The following SLC41A2 variants were observed in gnomAD, a reference collection of about 807,000 sequenced individuals.
The protein encoded by SLC41A2 is SLC41A1-like 1.
In SLC41A2, 32 loss-of-function variants were observed where a neutral mutation model predicts 58.3. That is an observed-to-expected ratio of 0.55 (90% CI 0.41 to 0.74). The LOEUF (loss-of-function observed/expected upper bound fraction) is 0.74. Ranked by LOEUF, SLC41A2 falls within the 30% of genes least tolerant of loss-of-function variation. The pLI is 0.00. For synonymous variants in SLC41A2, 190 were observed against 235.0 expected (o/e 0.81, Z 1.75); for missense variants, 514 against 680.6 (o/e 0.76, Z 2.72).
intron 10 of SLC41A2, among the ~76,000 whole-genome samples, chr12:104,811,196 A>G (rs2041158731): frequency 6.6e-6 from 1 of 152,204 alleles, no homozygotes; most frequent in Non-Finnish European, 1.5e-5. Flanking sequence ...GAAACCATAC[A>G]GAGAAATTCT....
intron 10 of SLC41A2, among the ~76,000 whole-genome samples, chr12:104,827,096 C>T (rs997804815): frequency 2.0e-5 from 3 of 152,192 alleles, no homozygotes; most frequent in South Asian, 2.1e-4. Context: ...TGTCCATGAT[C>T]GATCAGGGAT....
intron 10 of SLC41A2, among the ~76,000 whole-genome samples, chr12:104,816,086 T>C (rs2041390160): frequency 1.3e-5 from 2 of 151,602 alleles, no homozygotes; most frequent in Non-Finnish European, 2.9e-5. Context: ...AGTGGTAGAG[T>C]CAAACCCAGG....
In SLC41A2 at chr12:104,949,206, G is replaced by A. The variant is rs111895819; in HGVS notation, c.-168+8882C>T. Among the ~76,000 whole-genome samples, 539 of 152,190 alleles carry A rather than the reference G, an allele frequency of 3.5e-3. 2 individuals are homozygous for A. Among genetic ancestry groups the A allele is most frequent in the African/African-American group, 0.012 (498 of 41,528 alleles). On this transcript the variant is annotated intron_variant, in intron 1 of 10. Transcript: ENST00000258538. ...GCACTCCAGCCTGGGTAACAAAAGC[G>A]AAACTCCGTCTCAAATAAATAAATA...
Position 104,802,265 on chromosome 12 carries a change from AG to A in SLC41A2, c.*2886del, listed in dbSNP as rs1300277222. On this transcript the variant is annotated 3_prime_UTR_variant, in exon 11 of 11. Coordinates refer to ENST00000258538, the MANE Select transcript of SLC41A2 (RefSeq NM_001352171.3). ...GTGGCTGATAAATTAGTGAAAAGGA[AG>A]AAGTTTGGAAAGCAGAAGTTTTTAT... is the stretch of plus-strand genomic sequence containing the variant. Among the ~76,000 whole-genome samples, 3 of 152,214 alleles carry A rather than the reference AG, an allele frequency of 2.0e-5. No homozygotes were observed. Among genetic ancestry groups the A allele is most frequent in the African/African-American group, 7.2e-5 (3 of 41,472 alleles).
In SLC41A2 at chr12:104,803,860, G is replaced by T. The variant is rs1488305877; in HGVS notation, c.*1292C>A. On this transcript the variant is annotated 3_prime_UTR_variant, in exon 11 of 11. Coordinates refer to ENST00000258538, the MANE Select transcript of SLC41A2 (RefSeq NM_001352171.3). ...ACCCACCAACTTCTTTTTTAAAAGC[G>T]TAAGTCAACGGGCTTCTTTAAAAGA... is the stretch of plus-strand genomic sequence containing the variant. The T allele has an allele frequency of 6.6e-6, 1 of 152,046 alleles. No homozygotes were observed. The highest frequency in any genetic ancestry group is 1.5e-5 in the Non-Finnish European group (1 of 67,986). The allele number at this position is 152,046 out of a possible 1,614,324, so 9.4% of individuals were successfully genotyped here.
chr12:104,896,292 C>T (rs2045277411), intron 3 of SLC41A2, among the ~76,000 whole-genome samples: 2 of 152,290 alleles, frequency 1.3e-5, no homozygotes, highest in South Asian at 2.1e-4. Flanking sequence ...ATTCTGTAAT[C>T]TCACTGTGGA....
intron 6 of SLC41A2, among the ~76,000 whole-genome samples, chr12:104,876,173 T>C (rs1473764546): frequency 6.6e-6 from 1 of 152,098 alleles, no homozygotes; most frequent in Non-Finnish European, 1.5e-5. Flanking sequence ...TTTTTCTTAG[T>C]CTAGCTAAGG....
intron 3 of SLC41A2, among the ~76,000 whole-genome samples, chr12:104,904,200 G>T (rs1358328696): frequency 1.3e-5 from 2 of 152,058 alleles, no homozygotes; most frequent in East Asian, 3.9e-4. Flanking sequence ...TATTTTCTTT[G>T]AGATAAGCTA....
At chr12:104,906,084 A>G (rs2045836822) in intron 3 of SLC41A2, among the ~76,000 whole-genome samples, 1 of 152,218 alleles carries the variant, frequency 6.6e-6, no homozygotes, top group Non-Finnish European at 1.5e-5. Context: ...TCTCAAGACT[A>G]CATAAAAGTT....
chr12:104,916,766 G>A (rs1188812461), intron 2 of SLC41A2, among the ~76,000 whole-genome samples: 2 of 152,166 alleles, frequency 1.3e-5, no homozygotes, highest in African/African-American at 4.8e-5. Flanking sequence ...AAACTGGCTA[G>A]CCATATGTAG....
chr12:104,862,155 T>C (rs1426162250), intron 7 of SLC41A2, among the ~76,000 whole-genome samples: 1 of 152,156 alleles, frequency 6.6e-6, no homozygotes, highest in African/African-American at 2.4e-5. Flanking sequence ...TACAACAAAA[T>C]GAACTACATG....
At chr12:104,815,173 C>G (rs960103483) in intron 10 of SLC41A2, among the ~76,000 whole-genome samples, 1 of 152,184 alleles carries the variant, frequency 6.6e-6, no homozygotes, top group Non-Finnish European at 1.5e-5. Flanking sequence ...CCTTGGAACT[C>G]TGTGTGTAAT....
At chr12:104,909,143 A>G (rs1034325886) in intron 3 of SLC41A2, among the ~76,000 whole-genome samples, 2 of 152,226 alleles carry the variant, frequency 1.3e-5, no homozygotes, top group African/African-American at 4.8e-5. Context: ...TAGAATACAC[A>G]GTATGCATTT....
chr12:104,866,431 C>T lies in SLC41A2; in HGVS notation c.1175+1G>A. ...ACACACACACATATTTTAATACTAA[C>T]CTACTTATAACCATAGCTGTTATGA... On this transcript the variant is annotated splice_donor_variant, in intron 7 of 10. Coordinates refer to ENST00000258538, the MANE Select transcript of SLC41A2 (RefSeq NM_001352171.3). LOFTEE classifies it high-confidence loss of function. The T allele has an allele frequency of 6.2e-7, 1 of 1,608,256 alleles. No individual in the cohort carries two copies. Among genetic ancestry groups the T allele is most frequent in the Non-Finnish European group, 8.5e-7 (1 of 1,177,788 alleles).
chr12:104,837,790 T>C (rs2042263723), intron 10 of SLC41A2, among the ~76,000 whole-genome samples: 1 of 152,182 alleles, frequency 6.6e-6, no homozygotes, highest in Non-Finnish European at 1.5e-5. Flanking sequence ...CTACCATTAT[T>C]GGAAACTCAC....
At chr12:104,861,448 C>A in intron 7 of SLC41A2, 78 bp from the exon 8 acceptor site, 2 of 744,858 alleles carry the variant, frequency 2.7e-6, no homozygotes, top group South Asian at 2.7e-5. Flanking sequence ...TACAGACACC[C>A]CTCCTTTTTA....
rs556766645 is a variant in SLC41A2 at position 104,899,235 on chromosome 12, G to A, written c.664-3890C>T. 9.9e-5 allele frequency among the ~76,000 whole-genome samples: 15 copies of A among 152,116 alleles called. No individual in the cohort carries two copies. In the South Asian group the frequency reaches 3.1e-3, roughly 32 times the overall value. On this transcript the variant is annotated intron_variant, in intron 3 of 10. Transcript: ENST00000258538. ...TAGTTCTTTGAACATATTCATACTA[G>A]TGGCTTTAAAGACTTTATTCAATCT... is the stretch of plus-strand genomic sequence containing the variant.
rs1444524409 is a variant in SLC41A2 at position 104,803,309 on chromosome 12, T to C, written c.*1843A>G. The C allele has an allele frequency of 6.6e-6, 1 of 152,110 alleles. No individual in the cohort carries two copies. Among genetic ancestry groups the C allele is most frequent in the Non-Finnish European group, 1.5e-5 (1 of 68,000 alleles). The allele number at this position is 152,110 out of a possible 1,614,324, so 9.4% of individuals were successfully genotyped here. Reference sequence around the variant, plus strand: ...AATATTCATCAACTTAAACTTATTCTTTCTTTTATAAGAATGTTCACTATG... The same window carrying C: ...AATATTCATCAACTTAAACTTATTCCTTCTTTTATAAGAATGTTCACTATG... On this transcript the variant is annotated 3_prime_UTR_variant, in exon 11 of 11. Coordinates refer to ENST00000258538, the MANE Select transcript of SLC41A2 (RefSeq NM_001352171.3).
At chr12:104,905,245 A>G (rs1414383362) in intron 3 of SLC41A2, among the ~76,000 whole-genome samples, 1 of 151,982 alleles carries the variant, frequency 6.6e-6, no homozygotes, top group Non-Finnish European at 1.5e-5. Context: ...CTAGATACAG[A>G]ATGCCAATTG....
Sources: gnomAD v4.1 joint callset for allele counts (sites outside exome capture counted in the v4.1 genomes callset) on GRCh38, gnomAD v4.1.1 for gene constraint, MANE v1.5 for transcripts, NCBI Gene and HGNC (gene_info 2026-07-23, HGNC 2026-07-21) for gene names.